Variants in ASB5 observed in about 807,000 individuals in gnomAD.
The protein encoded by ASB5 is ankyrin repeat and SOCS box containing 5.
ASB5 carries 45 observed loss-of-function variants against 42.1 expected under a neutral mutation model. That is an observed-to-expected ratio of 1.07 (90% CI 0.84 to 1.37). ASB5 has a LOEUF of 1.37. ASB5 is among the 40% of genes most tolerant of loss of function. The probability of loss-of-function intolerance (pLI) is 0.00; values close to 1 mark genes in which losing one functional copy is unlikely to be tolerated. For synonymous variants in ASB5, 147 were observed against 150.6 expected (o/e 0.98, Z 0.18); for missense variants, 402 against 399.8 (o/e 1.01, Z -0.05).
intron 1 of ASB5, among the ~76,000 whole-genome samples, chr4:176,244,637 T>C (rs971537453): frequency 2.6e-5 from 4 of 152,090 alleles, no homozygotes; most frequent in African/African-American, 9.7e-5. Context: ...GGGTTGGGCC[T>C]GGTGGTTCAC....
At chr4:176,250,014 G>A (rs992148812) in intron 1 of ASB5, among the ~76,000 whole-genome samples, 6 of 147,398 alleles carry the variant, frequency 4.1e-5, no homozygotes, top group East Asian at 2.0e-4. Context: ...GCAGTGAGCC[G>A]AGATCACACC....
intron 1 of ASB5, among the ~76,000 whole-genome samples, chr4:176,250,552 C>CA (rs1473244336): frequency 2.0e-5 from 3 of 152,106 alleles, no homozygotes; most frequent in Admixed American, 2.0e-4. Flanking sequence ...AGAAAAGATT[C>CA]AAAAACCAGT....
intron 1 of ASB5, among the ~76,000 whole-genome samples, chr4:176,230,581 A>G (rs1208059683): frequency 1.3e-5 from 2 of 152,360 alleles, no homozygotes; most frequent in South Asian, 2.1e-4. Flanking sequence ...ATCTAATAAC[A>G]TATGAGAATC....
At chr4:176,216,251 T>C (rs2126936028) in intron 6 of ASB5, among the ~76,000 whole-genome samples, 1 of 152,296 alleles carries the variant, frequency 6.6e-6, no homozygotes, top group African/African-American at 2.4e-5. Context: ...CAGCAGATAT[T>C]ATACCAGAAG....
intron 2 of ASB5, among the ~76,000 whole-genome samples, chr4:176,223,075 G>A (rs551585688): frequency 1.3e-5 from 2 of 152,218 alleles, no homozygotes; most frequent in South Asian, 4.2e-4. Flanking sequence ...ACCGCGCCCG[G>A]CCAACTTGTT....
In ASB5 at chr4:176,216,983, A is replaced by G. The variant is rs2126936916; in HGVS notation, c.697T>C (p.Trp233Arg). 6.2e-7 allele frequency: 1 copy of G among 1,609,672 alleles called. No homozygotes were observed. The highest frequency in any genetic ancestry group is 1.3e-5 in the African/African-American group (1 of 74,750). ...GCAGCAGCATGTAATGGAGTATCCC[A>G]ATATTTGCCTTTCTGTACGTCAGCA... ...AGADVQKGKY[W>R]DTPLHAAAQQ... Residue 233 changes from tryptophan (W) to arginine (R), a missense_variant, in exon 6 of 7, where the codon TGG (tryptophan) becomes CGG (arginine). Physicochemically the swap from Trp to Arg is moderately radical, Grantham distance 101 (BLOSUM62 -3). Coordinates refer to ENST00000296525, the MANE Select transcript of ASB5 (RefSeq NM_080874.4).
At chr4:176,242,555 C>A (rs1753831632) in intron 1 of ASB5, among the ~76,000 whole-genome samples, 1 of 151,972 alleles carries the variant, frequency 6.6e-6, no homozygotes, top group African/African-American at 2.4e-5. Context: ...ATATAATAAC[C>A]ACTTATGGTA....
chr4:176,267,715 C>G (rs1402132248), intron 1 of ASB5, among the ~76,000 whole-genome samples: 1 of 152,150 alleles, frequency 6.6e-6, no homozygotes, highest in Non-Finnish European at 1.5e-5. Context: ...TTATCTTTCC[C>G]TAAAGAGATT....
At chr4:176,257,394 A>G (rs1317590314) in intron 1 of ASB5, among the ~76,000 whole-genome samples, 1 of 152,182 alleles carries the variant, frequency 6.6e-6, no homozygotes, top group South Asian at 2.1e-4. Flanking sequence ...GGACAGAATA[A>G]GATTGTAGAA....
intron 1 of ASB5, among the ~76,000 whole-genome samples, chr4:176,238,090 C>T (rs1403815462): frequency 2.6e-5 from 4 of 151,790 alleles, no homozygotes; most frequent in East Asian, 3.9e-4. Flanking sequence ...GACATAGGGA[C>T]GGGGCGCCTG....
At chr4:176,271,980 A>C (rs1037684445), upstream of ASB5, among the ~76,000 whole-genome samples, 7 of 152,044 alleles carry the variant, frequency 4.6e-5, no homozygotes, top group African/African-American at 1.7e-4. Context: ...TACTGCCCCC[A>C]CCCACGACAC....
At position 176,221,153 on chromosome 4, in the gene ASB5, A is replaced by G; in HGVS notation, c.670+2T>C. The G allele has an allele frequency of 6.2e-7, 1 of 1,611,032 alleles. No individual in the cohort carries two copies. Among genetic ancestry groups the G allele is most frequent in the Non-Finnish European group, 8.5e-7 (1 of 1,178,898 alleles). ...AATGGAAGATGTTTTAAAGGAAAAT[A>G]CCAGCATAAAGAAGCTTCCAGATGC... On this transcript the variant is annotated splice_donor_variant, in intron 5 of 6. Coordinates refer to ENST00000296525, the MANE Select transcript of ASB5 (RefSeq NM_080874.4). LOFTEE classifies it high-confidence loss of function.
At chr4:176,228,490 T>C (rs1753438564) in intron 1 of ASB5, among the ~76,000 whole-genome samples, 1 of 152,248 alleles carries the variant, frequency 6.6e-6, no homozygotes, top group Admixed American at 6.5e-5. Flanking sequence ...GACTAATGTA[T>C]ACTTTCTCTC....
chr4:176,255,699 G>T (rs1754141408), intron 1 of ASB5, among the ~76,000 whole-genome samples: 2 of 152,146 alleles, frequency 1.3e-5, no homozygotes, highest in African/African-American at 4.8e-5. Context: ...TAGACACAGG[G>T]GACTACTAGA....
chr4:176,214,504 T>C lies in ASB5; in HGVS notation c.*1096A>G, dbSNP rs939085123. The C allele has an allele frequency of 3.3e-5, 5 of 152,310 alleles. No individual in the cohort carries two copies. Among genetic ancestry groups the C allele is most frequent in the African/African-American group, 1.2e-4 (5 of 41,576 alleles). 9.4% of individuals were successfully genotyped at this position (152,310 alleles called of 1,614,324 possible). A position where few individuals can be genotyped will look rare whatever the true frequency, so the allele number is the denominator to read the frequency against. ...CCCTTGCAGAGGACTAGCTTAGTAA[T>C]ATCTTCTTTTATACAATACTCTCTT... is the stretch of plus-strand genomic sequence containing the variant. On this transcript the variant is annotated 3_prime_UTR_variant, in exon 7 of 7. Coordinates refer to ENST00000296525, the MANE Select transcript of ASB5 (RefSeq NM_080874.4).
At chr4:176,268,819 T>A in intron 1 of ASB5, 94 bp downstream of exon 1, 1 of 1,074,372 alleles carries the variant, frequency 9.3e-7, no homozygotes. Context: ...TATAAAATAT[T>A]TACCTTGAAG....
At chr4:176,268,767 A>G in intron 1 of ASB5, 146 bp downstream of exon 1, 2 of 633,380 alleles carry the variant, frequency 3.2e-6, no homozygotes, top group Non-Finnish European at 4.8e-6. Context: ...CCTTTTTATA[A>G]AGCCACGAAG....
intron 1 of ASB5, among the ~76,000 whole-genome samples, chr4:176,246,622 A>C (rs1385351671): frequency 1.3e-5 from 2 of 152,256 alleles, no homozygotes; most frequent in Admixed American, 1.3e-4. Flanking sequence ...CATTTGCAGA[A>C]GCAAACTCTC....
chr4:176,243,418 A>G (rs928167068), intron 1 of ASB5, among the ~76,000 whole-genome samples: 30 of 152,178 alleles, frequency 2.0e-4, no homozygotes, highest in African/African-American at 7.0e-4. Context: ...AAGCAATTTT[A>G]TTATGTGAAT....
Sources: allele counts gnomAD v4.1 joint callset (sites outside exome capture counted in the v4.1 genomes callset), GRCh38; gene constraint gnomAD v4.1.1; transcripts MANE v1.5; gene names NCBI Gene and HGNC (gene_info 2026-07-23, HGNC 2026-07-21).